SLC10A7: variants seen among roughly 807,000 people sequenced by gnomAD.
SLC10A7 encodes the protein sodium/bile acid cotransporter 7.
SLC10A7 carries 29 observed loss-of-function variants against 43.2 expected under a neutral mutation model. The ratio of observed to expected loss-of-function variants is 0.67; its 90% CI spans 0.50 to 0.92. The LOEUF is 0.92. SLC10A7 is among the 40% of genes least tolerant of loss of function. SLC10A7 has a pLI of 0.00. For missense variants in SLC10A7, 295 were observed against 403.2 expected, an observed-to-expected ratio of 0.73 and a Z score of 2.30; for synonymous variants, 152 against 144.8, an observed-to-expected ratio of 1.05 and a Z score of -0.35.
intron 5 of SLC10A7, among the ~76,000 whole-genome samples, chr4:146,431,884 T>TA (rs764356740): frequency 3.3e-5 from 5 of 152,108 alleles, no homozygotes; most frequent in Non-Finnish European, 5.9e-5. Context: ...ATCACTTACA[T>TA]AATATATGTC....
At chr4:146,491,281 G>A (rs1225327043) in intron 4 of SLC10A7, among the ~76,000 whole-genome samples, 2 of 152,116 alleles carry the variant, frequency 1.3e-5, no homozygotes, top group African/African-American at 4.8e-5. Context: ...ATAGCCTGAA[G>A]ACCAATAACA....
At position 146,491,275 on chromosome 4, in the gene SLC10A7, C is replaced by A. The variant is rs183184961; in HGVS notation, c.396+12574G>T. On this transcript the variant is annotated intron_variant, in intron 4 of 11. Coordinates refer to ENST00000335472, the MANE Select transcript of SLC10A7 (RefSeq NM_001029998.6). The stretch of plus-strand genomic sequence containing the variant: ...TGAGAAGACAAAGTCCTCAAAATAG[C>A]CTGAAGACCAATAACAAAACAACTG... Among the ~76,000 whole-genome samples the A allele has an allele frequency of 2.5e-3, 376 of 152,154 alleles. 2 individuals are homozygous for A. Among genetic ancestry groups the A allele is most frequent in the African/African-American group, 8.9e-3 (368 of 41,490 alleles).
intron 10 of SLC10A7, among the ~76,000 whole-genome samples, chr4:146,270,814 T>G (rs1169825617): frequency 1.3e-5 from 2 of 152,220 alleles, no homozygotes; most frequent in Non-Finnish European, 2.9e-5. Context: ...GCAGGGCTAT[T>G]GTAAAGATTA....
intron 5 of SLC10A7, among the ~76,000 whole-genome samples, chr4:146,355,766 A>G (rs1735548167): frequency 6.7e-6 from 1 of 149,494 alleles, no homozygotes; most frequent in African/African-American, 2.5e-5. Flanking sequence ...GGAAACCATC[A>G]TTCTCAGTAA....
intron 5 of SLC10A7, among the ~76,000 whole-genome samples, chr4:146,421,272 T>C (rs1422410853): frequency 6.6e-6 from 1 of 152,164 alleles, no homozygotes; most frequent in Non-Finnish European, 1.5e-5. Context: ...AGGTTAATAT[T>C]AACTGTCTAA....
intron 10 of SLC10A7, 86 bp downstream of exon 10, chr4:146,283,106 A>T: frequency 9.3e-7 from 1 of 1,076,444 alleles, no homozygotes; most frequent in Non-Finnish European, 1.4e-6. Flanking sequence ...CATTCCATTT[A>T]ATTTGAAGAG....
At chr4:146,470,108 C>G (rs531670404) in intron 4 of SLC10A7, among the ~76,000 whole-genome samples, 5 of 152,134 alleles carry the variant, frequency 3.3e-5, no homozygotes, top group Non-Finnish European at 5.9e-5. Context: ...AGGCAGCATA[C>G]AGAGCTTGCA....
chr4:146,381,435 C>T (rs1268280693), intron 5 of SLC10A7, among the ~76,000 whole-genome samples: 1 of 152,092 alleles, frequency 6.6e-6, no homozygotes, highest in Non-Finnish European at 1.5e-5. Context: ...ACTCATTTCC[C>T]CTTTCAATCC....
Position 146,267,907 on chromosome 4 carries a change from T to C in SLC10A7, c.848-9070A>G, listed in dbSNP as rs1416831899. ...TCTGACAAACCCCCTTTGCTAGAGC[T>C]CTGGCAGAAAAACAGGACAATCTTG... is the stretch of plus-strand genomic sequence containing the variant. On this transcript the variant is annotated intron_variant, in intron 10 of 11. Coordinates refer to ENST00000335472, the MANE Select transcript of SLC10A7 (RefSeq NM_001029998.6). Among the ~76,000 whole-genome samples the C allele has an allele frequency of 3.3e-5, 5 of 152,208 alleles. No individual in the cohort carries two copies. The East Asian group carries it at 9.7e-4, about 29-fold the overall frequency.
At chr4:146,284,350 C>T (rs1301063994) in intron 9 of SLC10A7, among the ~76,000 whole-genome samples, 1 of 152,110 alleles carries the variant, frequency 6.6e-6, no homozygotes, top group Admixed American at 6.6e-5. Context: ...AATCTCATCC[C>T]CATGCACGAC....
intron 4 of SLC10A7, among the ~76,000 whole-genome samples, chr4:146,451,231 CAAAAAA>C (rs572993886): frequency 1.4e-5 from 1 of 71,690 alleles, no homozygotes; most frequent in African/African-American, 5.2e-5. Context: ...AGTCTCCCAC[CAAAAAA>C]AAAAAAAAAA....
intron 4 of SLC10A7, 62 bp from the exon 5 acceptor site, chr4:146,442,883 A>G: frequency 1.7e-6 from 2 of 1,163,004 alleles, no homozygotes; most frequent in South Asian, 2.9e-5. Context: ...AATAAAGCCA[A>G]AGATTATCAT....
intron 10 of SLC10A7, among the ~76,000 whole-genome samples, chr4:146,276,031 C>T (rs1399605040): frequency 6.6e-6 from 1 of 152,118 alleles, no homozygotes; most frequent in Non-Finnish European, 1.5e-5. Flanking sequence ...ATCACTCCCG[C>T]ACATCCCTGA....
At chr4:146,344,474 TC>T (rs1326195053) in intron 5 of SLC10A7, among the ~76,000 whole-genome samples, 1 of 152,036 alleles carries the variant, frequency 6.6e-6, no homozygotes, top group Non-Finnish European at 1.5e-5. Context: ...TGGATGATAG[TC>T]TTTTTGGCTT....
At chr4:146,443,801 A>C (rs531356796) in intron 4 of SLC10A7, among the ~76,000 whole-genome samples, 7 of 152,356 alleles carry the variant, frequency 4.6e-5, no homozygotes. Context: ...TGAATGGGTA[A>C]TGAGATCCTC....
rs34522588 is a variant in SLC10A7, at chr4:146,335,251, T to TAAAAAAAAAAA, written c.436-9266_436-9256dup. ...CATTAAAGTGTTGCCACAGATGTTG[T>TAAAAAAAAAAA]AAAAAAAAAAAAAAAAAAAAAAAAA... On this transcript the variant is annotated intron_variant, in intron 5 of 11. Transcript: ENST00000335472. Among the ~76,000 whole-genome samples, 3 of 92,656 alleles carry TAAAAAAAAAAA rather than the reference T, an allele frequency of 3.2e-5. No individual in the cohort carries two copies. The East Asian group carries it at 1.0e-3, about 31-fold the overall frequency. The allele number at this position is 92,656 out of a possible 152,430, so 60.8% of individuals were successfully genotyped here.
intron 4 of SLC10A7, among the ~76,000 whole-genome samples, chr4:146,502,124 A>C (rs2150027696): frequency 6.6e-6 from 1 of 152,340 alleles, no homozygotes; most frequent in Middle Eastern, 3.4e-3. Flanking sequence ...TAAAGAAGAC[A>C]TATGAATAGC....
At chr4:146,485,650 T>C (rs913510081) in intron 4 of SLC10A7, among the ~76,000 whole-genome samples, 2 of 152,114 alleles carry the variant, frequency 1.3e-5, no homozygotes, top group African/African-American at 4.8e-5. Context: ...GGAAAGCACA[T>C]ATAAGTCCAG....
chr4:146,290,457 A>C (rs1183999335), intron 9 of SLC10A7, among the ~76,000 whole-genome samples: 1 of 152,032 alleles, frequency 6.6e-6, no homozygotes, highest in East Asian at 1.9e-4. Context: ...GTAGATGACT[A>C]TGGCAGGGGA....
Sources: allele counts gnomAD v4.1 joint callset (sites outside exome capture counted in the v4.1 genomes callset), GRCh38; gene constraint gnomAD v4.1.1; transcripts MANE v1.5; gene names NCBI Gene and HGNC (gene_info 2026-07-23, HGNC 2026-07-21).